PPRC1: variants seen among roughly 807,000 people sequenced by gnomAD.
PPRC1 encodes the protein peroxisome proliferator-activated receptor gamma coactivator-related protein 1.
Under a neutral mutation model 132.5 loss-of-function variants are expected in PPRC1, and 23 were observed. The ratio of observed to expected loss-of-function variants is 0.17; its 90% CI spans 0.12 to 0.25. PPRC1 has a LOEUF of 0.25. Among genes scored for constraint, PPRC1 ranks in the 10% least tolerant of loss-of-function variants. PPRC1 has a pLI of 1.00. For synonymous variants in PPRC1, 872 were observed against 833.5 expected, an observed-to-expected ratio of 1.05 and a Z score of -0.80; for missense variants, 2,006 against 2,089.1, an observed-to-expected ratio of 0.96 and a Z score of 0.78.
At chr10:102,135,782 A>C (rs2068700987) in intron 1 of PPRC1, among the ~76,000 whole-genome samples, 1 of 152,204 alleles carries the variant, frequency 6.6e-6, no homozygotes, top group African/African-American at 2.4e-5. Flanking sequence ...ATATTTAAAA[A>C]GTTTCTGACT....
intron 1 of PPRC1, among the ~76,000 whole-genome samples, chr10:102,133,813 C>A (rs533294295): frequency 6.6e-6 from 1 of 151,618 alleles, no homozygotes; most frequent in African/African-American, 2.4e-5. Context: ...CATCTCCTGC[C>A]GGGGCTGGAG....
upstream of PPRC1, among the ~76,000 whole-genome samples, chr10:102,128,947 TGA>T (rs2068502434): frequency 8.1e-6 from 1 of 123,524 alleles, no homozygotes; most frequent in African/African-American, 3.1e-5. Context: ...TTTTTTTTTT[TGA>T]GACGGAGTCT....
Position 102,139,584 on chromosome 10 carries a change from T to C in PPRC1, c.1076T>C (p.Leu359Pro). 3 of 1,613,914 alleles carry C rather than the reference T, an allele frequency of 1.9e-6. No individual in the cohort carries two copies. Among genetic ancestry groups the C allele is most frequent in the Non-Finnish European group, 2.5e-6 (3 of 1,179,964 alleles). ...CAGGCAGCCACAGCTGGCGATGACC[T>C]GGAGATCCCAGTTGTGGTGCGACAG... ...VGQAATAGDD[L>P]EIPVVVRQVS... The change falls in exon 5 of 14, where the codon CTG (leucine) becomes CCG (proline). Residue 359 changes from leucine (L) to proline (P), a missense_variant. Physicochemically the swap from Leu to Pro is moderately conservative, Grantham distance 98 (BLOSUM62 -3). Coordinates refer to ENST00000278070, the MANE Select transcript of PPRC1 (RefSeq NM_015062.5).
rs2068946620 is a variant in PPRC1 at position 102,140,966 on chromosome 10, G to A, written c.2458G>A (p.Val820Met). Reference sequence around the variant, plus strand: ...TGAAACACCCCTTGAGATTTGCCTTGTGCCTGTAGGTCCCAGCCCTGCTTC... The same window carrying A: ...TGAAACACCCCTTGAGATTTGCCTTATGCCTGTAGGTCCCAGCCCTGCTTC... ...SPETPLEICL[V>M]PVGPSPASPS... is the part of the protein sequence containing the mutation. The change falls in exon 5 of 14, where the codon GTG becomes ATG. Residue 820 changes from valine (V) to methionine (M), a missense_variant. Transcript: ENST00000278070. The A allele has an allele frequency of 1.9e-6, 3 of 1,613,968 alleles. No individual in the cohort carries two copies. Among genetic ancestry groups the A allele is most frequent in the African/African-American group, 2.7e-5 (2 of 75,022 alleles).
At chr10:102,138,551 C>T (rs1473359759) in intron 2 of PPRC1, 68 bp from the exon 3 acceptor site, 8 of 1,555,682 alleles carry the variant, frequency 5.1e-6, no homozygotes, top group Non-Finnish European at 7.0e-6. Flanking sequence ...TCTCGATATC[C>T]AGTCCTTAGT....
chr10:102,140,293 T>C lies in PPRC1; in HGVS notation c.1785T>C (p.Thr595=). 1.2e-6 allele frequency: 2 copies of C among 1,614,218 alleles called. No homozygotes were observed. The highest frequency in any genetic ancestry group is 1.7e-6 in the Non-Finnish European group (2 of 1,180,032). The change falls in exon 5 of 14, where the codon ACT becomes ACC. Residue 595 remains threonine, a synonymous_variant. Coordinates refer to ENST00000278070, the MANE Select transcript of PPRC1 (RefSeq NM_015062.5). The stretch of plus-strand genomic sequence containing the variant: ...TTGACTCTGTTGAAGCTGATCCCAC[T>C]GCAGTTGGCCCTGTTCTAGCTGGCC... ...MPVDSVEADP[T]AVGPVLAGPV... is the part of the protein sequence containing the mutation.
chr10:102,143,951 C>T (rs1289347808), intron 6 of PPRC1, among the ~76,000 whole-genome samples: 1 of 152,204 alleles, frequency 6.6e-6, no homozygotes, highest in Non-Finnish European at 1.5e-5. Flanking sequence ...CAAGAGTAGG[C>T]TGTGAGGCCA....
At position 102,148,330 on chromosome 10, in the gene PPRC1, T is replaced by C. The variant is rs1313287565; in HGVS notation, c.4401-42T>C. On this transcript the variant is annotated intron_variant, in intron 9 of 13. Transcript: ENST00000278070. The surrounding 1 kb of genome is among the most constrained non-coding windows in gnomAD (Gnocchi z 4.2). Reference sequence around the variant, plus strand: ...CTGGGTGAGATAAGCAGAGTATACCTGAACCACTCCCAGCATTCCTGCATG... The same window carrying C: ...CTGGGTGAGATAAGCAGAGTATACCCGAACCACTCCCAGCATTCCTGCATG... 2 of 1,602,754 alleles carry C rather than the reference T, an allele frequency of 1.2e-6. No homozygotes were observed. Among genetic ancestry groups the C allele is most frequent in the Admixed American group, 1.7e-5 (1 of 59,614 alleles).
intron 1 of PPRC1, among the ~76,000 whole-genome samples, chr10:102,136,083 G>A (rs1377910041): frequency 6.6e-6 from 1 of 152,202 alleles, no homozygotes; most frequent in East Asian, 1.9e-4. Flanking sequence ...GGTGGTGGCA[G>A]AGCAAATGGA....
intron 7 of PPRC1, chr10:102,144,754 C>G (rs2069144367): frequency 1.9e-6 from 1 of 513,552 alleles, no homozygotes; most frequent in Non-Finnish European, 3.5e-6. Flanking sequence ...TTGGTGTGAG[C>G]TGGGCAGGTG....
Position 102,140,145 on chromosome 10 carries a change from A to G in PPRC1, c.1637A>G (p.Gln546Arg), listed in dbSNP as rs1564939293. The change falls in exon 5 of 14, where the codon CAA becomes CGA. Residue 546 changes from glutamine to arginine, a missense_variant. Gln to Arg is a conservative substitution (Grantham distance 43). Around this residue, in one of 2 missense-constraint regions of PPRC1, gnomAD observed 1,914 missense variants for 1,917.2 expected, o/e 1.00. Transcript: ENST00000278070. ...SPKNLERSAG[Q>R]SSPAKEGPLD... ...AAGAACTTGGAGAGAAGTGCTGGAC[A>G]AAGTAGTCCTGCTAAAGAAGGCCCT... The G allele has an allele frequency of 1.9e-6, 3 of 1,614,238 alleles. No individual in the cohort carries two copies. Among genetic ancestry groups the G allele is most frequent in the South Asian group, 2.2e-5 (2 of 91,086 alleles).
chr10:102,126,908 GT>G, the PPRC1 span, among the ~76,000 whole-genome samples: 1 of 151,490 alleles, frequency 6.6e-6, no homozygotes, highest in Non-Finnish European at 1.5e-5. Context: ...TGCCAAAGCA[GT>G]TTCTCAAAGT....
the PPRC1 span, among the ~76,000 whole-genome samples, chr10:102,127,685 C>G: frequency 1.3e-5 from 2 of 151,950 alleles, no homozygotes; most frequent in Admixed American, 6.6e-5. Flanking sequence ...GGATTACAGG[C>G]GAGAGTCACC....
rs748231003 is a variant in PPRC1, at chr10:102,147,131, C to A, written c.4139C>A (p.Ala1380Asp). The A allele has an allele frequency of 6.2e-7, 1 of 1,614,074 alleles. No homozygotes were observed. The highest frequency in any genetic ancestry group is 2.2e-5 in the East Asian group (1 of 44,884). The change falls in exon 9 of 14, where the codon GCC becomes GAC. Residue 1380 changes from alanine to aspartate, a missense_variant. This residue lies in a region of PPRC1 where 1,914 missense variants were observed against 1,917.2 expected (regional missense o/e 1.00). Coordinates refer to ENST00000278070, the MANE Select transcript of PPRC1 (RefSeq NM_015062.5). ...LAPSSLLSPE[A>D]SPCRNDMNTR... ...CCATCCAGCTTGCTGTCCCCTGAGG[C>A]CTCACCCTGCCGGAATGACATGAAC...
chr10:102,148,930 T>C lies in PPRC1; in HGVS notation c.4731T>C (p.Arg1577=). Residue 1577 remains arginine, a synonymous_variant, in exon 12 of 14, where the codon CGT becomes CGC. Transcript: ENST00000278070. This position sits in a 1 kb window ranked among gnomAD's most constrained non-coding sequence, Gnocchi z 4.2. The stretch of plus-strand genomic sequence containing the variant: ...TTGAGGAGTGCACCATCCACTTCCG[T>C]GTCCAAGGGTAAGCTTGGGCCCCAG... ...GEIEECTIHF[R]VQGDNYGFVT... The C allele has an allele frequency of 1.9e-6, 3 of 1,614,074 alleles. No homozygotes were observed. Among genetic ancestry groups the C allele is most frequent in the Non-Finnish European group, 2.5e-6 (3 of 1,179,994 alleles).
In PPRC1 at chr10:102,148,715, T is replaced by C. The variant is rs1402112041; in HGVS notation, c.4617+21T>C. On this transcript the variant is annotated intron_variant, in intron 11 of 13. Coordinates refer to ENST00000278070, the MANE Select transcript of PPRC1 (RefSeq NM_015062.5). The surrounding 1 kb of genome is among the most constrained non-coding windows in gnomAD (Gnocchi z 4.2). ...CAATAGTGAGTAGAGGAACAGATCA[T>C]GGGAGGATGGGGCTTACCCCCTGAG... 2.5e-6 allele frequency: 4 copies of C among 1,613,900 alleles called. No homozygotes were observed. The highest frequency in any genetic ancestry group is 2.2e-5 in the East Asian group (1 of 44,900).
At chr10:102,144,568 C>CA in intron 7 of PPRC1, 1 of 543,722 alleles carries the variant, frequency 1.8e-6, no homozygotes, top group South Asian at 2.3e-5. Flanking sequence ...TATCTCCTGG[C>CA]AAGTCATACC....
At chr10:102,132,939 G>A, upstream of PPRC1, 1 of 1,204,644 alleles carries the variant, frequency 8.3e-7, no homozygotes, top group South Asian at 4.4e-5. Flanking sequence ...GGTGCAAGTG[G>A]GTCTCGCCGC....
the PPRC1 span, among the ~76,000 whole-genome samples, chr10:102,124,040 G>A: frequency 3.3e-5 from 5 of 150,952 alleles, no homozygotes; most frequent in African/African-American, 4.9e-5. Context: ...CAATTCAGAG[G>A]CATTCTAGCT....
Sources: gnomAD v4.1 joint callset for allele counts (sites outside exome capture counted in the v4.1 genomes callset) on GRCh38, gnomAD v4.1.1 for gene constraint, gnomAD v4.1.1 regional missense constraint, Gnocchi (gnomAD v3.1) non-coding constraint, MANE v1.5 for transcripts, NCBI Gene and HGNC (gene_info 2026-07-23, HGNC 2026-07-21) for gene names.